PCDH15: variants seen among roughly 807,000 people sequenced by gnomAD.
The protein encoded by PCDH15 is protocadherin related 15, also known as protocadherin-15.
PCDH15 carries 129 observed loss-of-function variants against 178.5 expected under a neutral mutation model. The ratio of observed to expected loss-of-function variants is 0.72; its 90% CI spans 0.63 to 0.84. The LOEUF is 0.84. PCDH15 is among the 40% of genes least tolerant of loss of function. The pLI is 0.00. For synonymous variants in PCDH15, 800 were observed against 732.0 expected (o/e 1.09, Z -1.50); for missense variants, 2,230 against 2,099.9 (o/e 1.06, Z -1.21).
chr10:54,057,926 AT>A (rs1184257837), intron 18 of PCDH15, among the ~76,000 whole-genome samples: 1 of 152,194 alleles, frequency 6.6e-6, no homozygotes, highest in African/African-American at 2.4e-5. Flanking sequence ...AGTCTCTTGC[AT>A]AGCAAGAGTG....
At chr10:55,129,661 C>G (rs1837992289) in intron 2 of PCDH15, among the ~76,000 whole-genome samples, 1 of 152,082 alleles carries the variant, frequency 6.6e-6, no homozygotes, top group Non-Finnish European at 1.5e-5. Context: ...CTGTACCTGT[C>G]AGTTTTAAAG....
intron 2 of PCDH15, among the ~76,000 whole-genome samples, chr10:54,900,814 G>A (rs557001484): frequency 8.5e-5 from 13 of 152,186 alleles, no homozygotes; most frequent in African/African-American, 3.1e-4. Context: ...GTCACAAAAT[G>A]TTTCAGTTTC....
intron 2 of PCDH15, among the ~76,000 whole-genome samples, chr10:54,982,471 T>C (rs1418338594): frequency 2.0e-5 from 3 of 152,136 alleles, no homozygotes; most frequent in Admixed American, 2.0e-4. Flanking sequence ...AGAAGAAATA[T>C]TATTTGCATA....
intron 3 of PCDH15, among the ~76,000 whole-genome samples, chr10:54,424,335 C>T (rs191116088): frequency 6.6e-5 from 10 of 151,824 alleles, no homozygotes; most frequent in African/African-American, 2.2e-4. Flanking sequence ...GTTAGAATGG[C>T]GATCATTAAA....
chr10:54,515,684 T>C (rs147637110), intron 3 of PCDH15, among the ~76,000 whole-genome samples: 13,865 of 152,238 alleles, frequency 0.091, 986 homozygotes, highest in East Asian at 0.36. Context: ...ACTGCCTCCT[T>C]AAGTGGGTCC....
At chr10:55,247,812 G>A (rs1280610458) in intron 1 of PCDH15, 2 of 149,884 alleles carry the variant, frequency 1.3e-5, no homozygotes, top group Admixed American at 1.3e-4. Context: ...GAGGTGGGAG[G>A]ATTGCTTGAG....
chr10:55,546,476 A>G (rs1223063499), intron 2 of PCDH15, among the ~76,000 whole-genome samples: 1 of 152,132 alleles, frequency 6.6e-6, no homozygotes, highest in Non-Finnish European at 1.5e-5. Context: ...TATATTATTG[A>G]GTGTCATTTA....
chr10:54,752,530 A>AACAAAC, intron 1 of PCDH15, among the ~76,000 whole-genome samples: 1 of 43,886 alleles, frequency 2.3e-5, no homozygotes, highest in Non-Finnish European at 6.5e-5. Flanking sequence ...ACAAACAAAC[A>AACAAAC]AAAAAAAACA....
chr10:54,216,067 A>G (rs1035318098), intron 9 of PCDH15, among the ~76,000 whole-genome samples: 1 of 148,482 alleles, frequency 6.7e-6, no homozygotes. Flanking sequence ...AAAAAAAAAA[A>G]AGAGAAATTT....
intron 18 of PCDH15, among the ~76,000 whole-genome samples, chr10:54,027,063 CCTT>C (rs1209899446): frequency 3.1e-4 from 46 of 146,230 alleles, no homozygotes; most frequent in Middle Eastern, 7.0e-3. Context: ...CCCAAAATCT[CCTT>C]AAGCTGATAA....
chr10:54,462,672 C>A (rs1292780122), intron 3 of PCDH15, among the ~76,000 whole-genome samples: 1 of 140,906 alleles, frequency 7.1e-6, no homozygotes, highest in Non-Finnish European at 1.5e-5. Flanking sequence ...TGTCACCACA[C>A]CTGCTTAATT....
chr10:55,542,512 G>A (rs1459843431), intron 2 of PCDH15, among the ~76,000 whole-genome samples: 3 of 150,404 alleles, frequency 2.0e-5, no homozygotes, highest in Non-Finnish European at 3.0e-5. Flanking sequence ...TGTACAGTAT[G>A]TATATATGTA....
intron 1 of PCDH15, among the ~76,000 whole-genome samples, chr10:54,775,860 T>G (rs958407659): frequency 6.6e-6 from 1 of 152,162 alleles, no homozygotes; most frequent in Non-Finnish European, 1.5e-5. Flanking sequence ...CACTCCAGCC[T>G]GGGCGACAGA....
chr10:54,317,561 G>C (rs746878237), intron 7 of PCDH15, 120 bp from the exon 8 acceptor site: 1 of 1,133,554 alleles, frequency 8.8e-7, no homozygotes, highest in African/African-American at 1.5e-5. Flanking sequence ...GATCACTTGA[G>C]GTCAGGGGTT....
intron 2 of PCDH15, among the ~76,000 whole-genome samples, chr10:55,115,689 G>A (rs1051840050): frequency 6.6e-6 from 1 of 152,084 alleles, no homozygotes; most frequent in African/African-American, 2.4e-5. Flanking sequence ...TTATAACATT[G>A]AGCTTAATCT....
chr10:53,815,163 CACTT>C (rs887115101), intron 35 of PCDH15, among the ~76,000 whole-genome samples: 1 of 152,086 alleles, frequency 6.6e-6, no homozygotes, highest in African/African-American at 2.4e-5. Context: ...GTAGATCAAA[CACTT>C]AATGTAATTT....
intron 3 of PCDH15, among the ~76,000 whole-genome samples, chr10:54,500,157 C>A (rs1426096966): frequency 6.6e-6 from 1 of 151,896 alleles, no homozygotes; most frequent in Non-Finnish European, 1.5e-5. Context: ...AACATTAAAG[C>A]AGTTGGAGGT....
At chr10:54,798,147 C>G (rs1251020188) in intron 1 of PCDH15, among the ~76,000 whole-genome samples, 1 of 151,742 alleles carries the variant, frequency 6.6e-6, no homozygotes, top group Non-Finnish European at 1.5e-5. Flanking sequence ...GCGACTCTAT[C>G]AAGAGAAAAT....
intron 3 of PCDH15, among the ~76,000 whole-genome samples, chr10:54,868,790 T>G (rs1469230377): frequency 6.6e-6 from 1 of 152,042 alleles, no homozygotes; most frequent in Non-Finnish European, 1.5e-5. Flanking sequence ...TAGCAATCAA[T>G]GTTATTATCT....
Sources: allele counts gnomAD v4.1 joint callset (sites outside exome capture counted in the v4.1 genomes callset), GRCh38; gene constraint gnomAD v4.1.1; transcripts MANE v1.5; gene names NCBI Gene and HGNC (gene_info 2026-07-23, HGNC 2026-07-21).